LRRK2: variants seen among roughly 807,000 people sequenced by gnomAD.
LRRK2 encodes the protein leucine-rich repeat serine/threonine-protein kinase 2.
A neutral mutation model predicts 302.6 loss-of-function variants in LRRK2; 203 were observed. The observed-to-expected ratio is 0.67, with a 90% CI of 0.60 to 0.75. The LOEUF (loss-of-function observed/expected upper bound fraction) is 0.75. LRRK2 is among the 30% of genes least tolerant of loss of function. The pLI is 0.00. For missense variants in LRRK2, 2,830 were observed against 2,951.0 expected, an observed-to-expected ratio of 0.96 and a Z score of 0.95; for synonymous variants, 1,066 against 1,031.9, an observed-to-expected ratio of 1.03 and a Z score of -0.63.
rs568363614 is a variant in LRRK2, at chr12:40,266,752, C to G, written c.1656+2851C>G. On this transcript the variant is annotated intron_variant, in intron 14 of 50. Transcript: ENST00000298910. The stretch of plus-strand genomic sequence containing the variant: ...CAATAGCAAAGACTTGGAACCAACC[C>G]AAATGTCCAACAATGATAGACTGGA... Among the ~76,000 whole-genome samples, 3 of 151,936 alleles carry G rather than the reference C, an allele frequency of 2.0e-5. No homozygotes were observed. The East Asian group carries it at 5.8e-4, about 29-fold the overall frequency.
chr12:40,252,875 GA>G (rs754073325), intron 10 of LRRK2, 34 bp from the exon 11 acceptor site: 2 of 1,350,526 alleles, frequency 1.5e-6, no homozygotes, highest in Non-Finnish European at 2.1e-6. Context: ...TTATTTAAAA[GA>G]TTACTACTAA....
At chr12:40,363,642 C>G (rs1346957237) in intron 48 of LRRK2, 88 bp downstream of exon 48, 2 of 1,426,084 alleles carry the variant, frequency 1.4e-6, no homozygotes, top group African/African-American at 2.9e-5. Context: ...TTCCTTTCTG[C>G]CTCTGAATAG....
Position 40,251,454 on chromosome 12 carries a change from C to A in LRRK2, c.1102-11C>A, listed in dbSNP as rs1942268375. On this transcript the variant is annotated splice_polypyrimidine_tract_variant and intron_variant, in intron 9 of 50. Transcript: ENST00000298910. ...TATTTTGACAGATTTCTTTTTTCTC[C>A]CCTAATCCAGGAGGCCGCATGCTGG... is the stretch of plus-strand genomic sequence containing the variant. 1 of 1,611,238 alleles carries A rather than the reference C, an allele frequency of 6.2e-7. No individual in the cohort carries two copies. Among genetic ancestry groups the A allele is most frequent in the African/African-American group, 1.3e-5 (1 of 74,768 alleles).
intron 33 of LRRK2, among the ~76,000 whole-genome samples, chr12:40,316,889 A>G (rs948137593): frequency 6.6e-6 from 1 of 152,072 alleles, no homozygotes; most frequent in Non-Finnish European, 1.5e-5. Context: ...CTGGCGCACA[A>G]TAGTTATCAG....
At chr12:40,357,874 G>A (rs1946588632) in intron 46 of LRRK2, among the ~76,000 whole-genome samples, 1 of 152,142 alleles carries the variant, frequency 6.6e-6, no homozygotes, top group African/African-American at 2.4e-5. Flanking sequence ...CTGCACTCAA[G>A]TGATCCTCCA....
Position 40,367,774 on chromosome 12 carries a change from T to A in LRRK2, c.*9T>A. 6.2e-7 allele frequency: 1 copy of A among 1,602,290 alleles called. No homozygotes were observed. On this transcript the variant is annotated 3_prime_UTR_variant, in exon 51 of 51. Transcript: ENST00000298910. ...GAACATCTGTTGAGTAAGAGAGAAA[T>A]AGGAATTGTCTTTGGATAGGAAAAT...
intron 14 of LRRK2, 139 bp downstream of exon 14, chr12:40,264,040 G>A (rs1469530747): frequency 1.5e-6 from 1 of 645,972 alleles, no homozygotes; most frequent in Non-Finnish European, 2.8e-6. Flanking sequence ...AGAGACATAA[G>A]ATGACAGTGG....
At chr12:40,237,694 G>A (rs1941528534) in intron 4 of LRRK2, among the ~76,000 whole-genome samples, 1 of 152,118 alleles carries the variant, frequency 6.6e-6, no homozygotes, top group African/African-American at 2.4e-5. Context: ...GATGTTTGGG[G>A]CAAGTTGTCT....
At position 40,308,575 on chromosome 12, in the gene LRRK2, A is replaced by C; in HGVS notation, c.4068A>C (p.Lys1356Asn). 1 of 1,614,050 alleles carries C rather than the reference A, an allele frequency of 6.2e-7. No homozygotes were observed. Residue 1356 changes from lysine to asparagine, a missense_variant, in exon 29 of 51, where the codon AAA becomes AAC. Physicochemically the swap from Lys to Asn is moderately conservative, Grantham distance 94. This residue lies in a region of LRRK2 where 2,121 missense variants were observed against 2,148.0 expected (regional missense o/e 0.99). Coordinates refer to ENST00000298910, the MANE Select transcript of LRRK2 (RefSeq NM_198578.4). ...GKTTLLQQLM[K>N]TKKSDLGMQS... The stretch of plus-strand genomic sequence containing the variant: ...CCACCTTATTGCAGCAATTAATGAA[A>C]ACCAAGAAATCAGATCTTGGAATGC...
chr12:40,281,958 A>T (rs985191774), intron 18 of LRRK2, among the ~76,000 whole-genome samples: 37 of 152,232 alleles, frequency 2.4e-4, no homozygotes, highest in Non-Finnish European at 5.0e-4. Flanking sequence ...AGAGAAAAAA[A>T]AGTTACTGGG....
Position 40,287,550 on chromosome 12 carries a change from TAAAA to T in LRRK2, c.2689+17_2689+20del. The T allele has an allele frequency of 6.2e-7, 1 of 1,603,016 alleles. No individual in the cohort carries two copies. Among genetic ancestry groups the T allele is most frequent in the Non-Finnish European group, 8.5e-7 (1 of 1,172,826 alleles). ...ACCTGGATAGTGAAGGTATTTATTATAAAAAAAAACCCTTTATGCTTTATATTTA... is the reference window on the plus strand; with the variant it reads ...ACCTGGATAGTGAAGGTATTTATTATAAAAACCCTTTATGCTTTATATTTA... On this transcript the variant is annotated intron_variant, in intron 20 of 50. Transcript: ENST00000298910.
At chr12:40,247,166 T>C (rs1203032921) in intron 7 of LRRK2, among the ~76,000 whole-genome samples, 1 of 152,154 alleles carries the variant, frequency 6.6e-6, no homozygotes, top group Non-Finnish European at 1.5e-5. Context: ...TTTTCACTTC[T>C]AGTATCATGA....
intron 20 of LRRK2, among the ~76,000 whole-genome samples, chr12:40,292,596 A>T (rs1281549752): frequency 1.3e-5 from 2 of 151,768 alleles, no homozygotes; most frequent in African/African-American, 4.8e-5. Flanking sequence ...AAAATAATTT[A>T]AACTATAGAA....
At chr12:40,338,059 C>G (rs539301000) in intron 40 of LRRK2, among the ~76,000 whole-genome samples, 2 of 152,280 alleles carry the variant, frequency 1.3e-5, no homozygotes, top group South Asian at 4.1e-4. Flanking sequence ...GACTTAGGTG[C>G]TAAAGAGGGA....
At chr12:40,284,782 G>A (rs1418433644) in intron 19 of LRRK2, among the ~76,000 whole-genome samples, 2 of 152,028 alleles carry the variant, frequency 1.3e-5, no homozygotes. Flanking sequence ...TGTTAACTTA[G>A]TCCCATGCCC....
At chr12:40,253,069 T>A (rs1008546827) in intron 11 of LRRK2, 53 bp downstream of exon 11, 28 of 1,221,928 alleles carry the variant, frequency 2.3e-5, no homozygotes, top group Non-Finnish European at 3.4e-5. Context: ...TTGTGGTATT[T>A]TTAATTATAG....
chr12:40,298,798 T>A (rs868629478), intron 24 of LRRK2, among the ~76,000 whole-genome samples: 31 of 94,204 alleles, frequency 3.3e-4, no homozygotes, highest in African/African-American at 1.1e-3. Context: ...TATATATATA[T>A]AATATATGTA....
chr12:40,279,654 C>T (rs2136633936), intron 18 of LRRK2, among the ~76,000 whole-genome samples: 1 of 152,308 alleles, frequency 6.6e-6, no homozygotes, highest in Admixed American at 6.5e-5. Context: ...CTACATTCCC[C>T]ACAGGAAATC....
chr12:40,244,769 A>G (rs1941900002), intron 7 of LRRK2, among the ~76,000 whole-genome samples: 1 of 150,524 alleles, frequency 6.6e-6, no homozygotes, highest in African/African-American at 2.4e-5. Context: ...GCATTGGGAG[A>G]TATACCTAAT....
Sources: allele counts gnomAD v4.1 joint callset (sites outside exome capture counted in the v4.1 genomes callset), GRCh38; gene constraint gnomAD v4.1.1; regional missense constraint gnomAD v4.1.1; transcripts MANE v1.5; gene names NCBI Gene and HGNC (gene_info 2026-07-23, HGNC 2026-07-21).